Variants in CLN6 observed in about 807,000 individuals in gnomAD.
CLN6 encodes CLN6 transmembrane ER protein.
A neutral mutation model predicts 33.3 loss-of-function variants in CLN6; 22 were observed. That is an observed-to-expected ratio of 0.66 (90% CI 0.47 to 0.94). The LOEUF is 0.94. Ranked by LOEUF, CLN6 falls within the 40% of genes least tolerant of loss-of-function variation. CLN6 has a pLI of 0.00. For synonymous variants in CLN6, 201 were observed against 174.6 expected (o/e 1.15, Z -1.19); for missense variants, 387 against 417.1 (o/e 0.93, Z 0.63).
chr15:68,239,975 G>C (rs1244940240), intron 1 of CLN6, among the ~76,000 whole-genome samples: 1 of 152,142 alleles, frequency 6.6e-6, no homozygotes, highest in Non-Finnish European at 1.5e-5. Context: ...ACATCCACTA[G>C]GTTTTGGAAA....
chr15:68,218,418 T>A lies in CLN6; in HGVS notation c.198+118A>T, dbSNP rs543099789. The A allele has an allele frequency of 6.3e-6, 5 of 798,300 alleles. No homozygotes were observed. The African/African-American group carries it at 6.7e-5, about 11-fold the overall frequency. 49.5% of individuals were successfully genotyped at this position (798,300 alleles called of 1,614,324 possible). ...AGGATATGAAGGCATCCAGGCCTAT[T>A]CTCTCAGTTTACTAGGAGATAAAGG... On this transcript the variant is annotated intron_variant, in intron 2 of 6. Transcript: ENST00000249806.
In CLN6 at chr15:68,236,651, A is replaced by G. The variant is rs1308794926; in HGVS notation, c.180-18001T>C. Among the ~76,000 whole-genome samples the G allele has an allele frequency of 6.6e-6, 1 of 152,258 alleles. No homozygotes were observed. The highest frequency in any genetic ancestry group is 1.5e-5 in the Non-Finnish European group (1 of 68,050). The stretch of plus-strand genomic sequence containing the variant: ...TTTGGGTTGGTATAAATGTTCTGGC[A>G]TTAAGTAGTGGTAATGACTTCACAA... On this transcript the variant is annotated intron_variant, in intron 1 of 6. Transcript: ENST00000538696. This position sits in a 1 kb window ranked among gnomAD's most constrained non-coding sequence, Gnocchi z 4.5.
chr15:68,211,936 T>C lies in CLN6; in HGVS notation c.298-73A>G. 2 of 1,467,998 alleles carry C rather than the reference T, an allele frequency of 1.4e-6. No homozygotes were observed. Among genetic ancestry groups the C allele is most frequent in the Non-Finnish European group, 1.9e-6 (2 of 1,059,726 alleles). The allele number at this position is 1,467,998 out of a possible 1,614,324, so 90.9% of individuals were successfully genotyped here. ...TATGTGACACCCTCTGCTTCCCCCCTCACACCTGGGGTGGGATGGACGCTT... is the reference window on the plus strand; with the variant it reads ...TATGTGACACCCTCTGCTTCCCCCCCCACACCTGGGGTGGGATGGACGCTT... On this transcript the variant is annotated intron_variant, in intron 3 of 6. Transcript: ENST00000249806. The surrounding 1 kb of genome is among the most constrained non-coding windows in gnomAD (Gnocchi z 5.9).
At position 68,214,323 on chromosome 15, in the gene CLN6, G is replaced by A; in HGVS notation, c.264C>T (p.Ala88=). 6.2e-7 allele frequency: 1 copy of A among 1,614,038 alleles called. No individual in the cohort carries two copies. Among genetic ancestry groups the A allele is most frequent in the Non-Finnish European group, 8.5e-7 (1 of 1,179,888 alleles). The change falls in exon 3 of 7, where the codon GCC becomes GCT. Residue 88 remains alanine, a synonymous_variant. Transcript: ENST00000249806. The part of the protein sequence containing the change: ...KPSVGDYFHM[A]YNVITPFLLL... ...AGAGAAAGGGCGTGATGACGTTGTAGGCCATGTGGAAGTAGTCCCCAACAC... is the reference window on the plus strand; with the variant it reads ...AGAGAAAGGGCGTGATGACGTTGTAAGCCATGTGGAAGTAGTCCCCAACAC...
rs1008565735 is a variant in CLN6, at chr15:68,229,570, C to T, written c.15G>A (p.Arg5=). The T allele has an allele frequency of 1.1e-5, 16 of 1,467,454 alleles. No individual in the cohort carries two copies. The highest frequency in any genetic ancestry group is 1.3e-5 in the Non-Finnish European group (15 of 1,114,330). 90.9% of individuals were successfully genotyped at this position (1,467,454 alleles called of 1,614,324 possible). A position where few individuals can be genotyped will look rare whatever the true frequency, so the allele number is the denominator to read the frequency against. ...CCGTCGCTCCCAGGTGCTGCCGCCT[C>T]CGCGTCGCCTCCATGGCTGCCCCGC... MEAT[R]RRQHLGATGG... The change falls in exon 1 of 7, where the codon CGG becomes CGA. Residue 5 remains arginine (R), a synonymous_variant. Transcript: ENST00000249806.
At chr15:68,243,940 C>A (rs1337378962) in intron 1 of CLN6, among the ~76,000 whole-genome samples, 1 of 151,782 alleles carries the variant, frequency 6.6e-6, no homozygotes, top group Admixed American at 6.6e-5. Context: ...TGGCGGGCGC[C>A]TATAGTCCCA....
chr15:68,248,652 CAAA>C (rs34923729), intron 1 of CLN6, among the ~76,000 whole-genome samples: 8 of 103,790 alleles, frequency 7.7e-5, no homozygotes, highest in Admixed American at 3.0e-4. Context: ...GACTCCGTCT[CAAA>C]AAAAAAAAAA....
Position 68,256,997 on chromosome 15 carries a change from T to C in CLN6, c.-129A>G. 1.8e-6 allele frequency: 1 copy of C among 559,406 alleles called. No homozygotes were observed. Among genetic ancestry groups the C allele is most frequent in the South Asian group, 2.3e-5 (1 of 43,176 alleles). The allele number at this position is 559,406 out of a possible 1,614,324, so 34.7% of individuals were successfully genotyped here. On this transcript the variant is annotated 5_prime_UTR_variant, in exon 1 of 7. Transcript: ENST00000538696. This position sits in a 1 kb window ranked among gnomAD's most constrained non-coding sequence, Gnocchi z 4.1. ...TGGGCTTCTCCGGCACACCTGTATCTAGGGACTGAGCGCGACTGACGCAGA... is the reference window on the plus strand; with the variant it reads ...TGGGCTTCTCCGGCACACCTGTATCCAGGGACTGAGCGCGACTGACGCAGA...
intron 1 of CLN6, among the ~76,000 whole-genome samples, chr15:68,243,754 CAA>C (rs56110025): frequency 1.4e-4 from 12 of 86,864 alleles, no homozygotes; most frequent in Admixed American, 1.4e-4. Context: ...GACTCTATCT[CAA>C]AAAAAAAAAA....
chr15:68,257,185 G>C (rs11071999), upstream of CLN6: 2 of 254,190 alleles, frequency 7.9e-6, no homozygotes, highest in Non-Finnish European at 1.5e-5. Flanking sequence ...GCCCGGCGTC[G>C]CTGAGGGCTT....
upstream of CLN6, chr15:68,229,774 C>CGGAGGGAGGCGGGGCGGAGT: frequency 2.7e-6 from 1 of 366,496 alleles, no homozygotes; most frequent in Non-Finnish European, 4.7e-6. Context: ...CGGAGCGGAG[C>CGGAGGGAGGCGGGGCGGAGT]GGAGGGAGGC....
chr15:68,229,849 CGCGGG>C, upstream of CLN6: 1 of 265,452 alleles, frequency 3.8e-6, no homozygotes, highest in Non-Finnish European at 6.8e-6. Flanking sequence ...GTGGCGTCCT[CGCGGG>C]GCGGGGGCTG....
chr15:68,253,511 T>C (rs1205519422), intron 1 of CLN6, among the ~76,000 whole-genome samples: 1 of 152,248 alleles, frequency 6.6e-6, no homozygotes. Context: ...ACTTGCACTT[T>C]TATGTCTAAC....
Position 68,229,686 on chromosome 15 carries a change from T to C in CLN6, c.-102A>G, listed in dbSNP as rs2093263409. 1.0e-6 allele frequency: 1 copy of C among 970,880 alleles called. No homozygotes were observed. The highest frequency in any genetic ancestry group is 1.4e-6 in the Non-Finnish European group (1 of 731,782). 60.1% of individuals were successfully genotyped at this position (970,880 alleles called of 1,614,324 possible). The stretch of plus-strand genomic sequence containing the variant: ...CCGCAAATTCCCAGCGCGGGGCGGT[T>C]CGGGGCGGGCCGGCGAGAGCGCGCG... On this transcript the variant is annotated 5_prime_UTR_variant, in exon 1 of 7. Coordinates refer to ENST00000249806, the MANE Select transcript of CLN6 (RefSeq NM_017882.3).
chr15:68,231,038 G>A (rs2093267722), upstream of CLN6, among the ~76,000 whole-genome samples: 1 of 152,220 alleles, frequency 6.6e-6, no homozygotes, highest in Non-Finnish European at 1.5e-5. Flanking sequence ...AGTATCCTTG[G>A]TCTGCTTCCC....
At chr15:68,233,711 C>T (rs61545800), upstream of CLN6, among the ~76,000 whole-genome samples, 1 of 152,126 alleles carries the variant, frequency 6.6e-6, no homozygotes, top group African/African-American at 2.4e-5. The surrounding 1 kb of genome is among the most constrained non-coding windows in gnomAD (Gnocchi z 4.3). Context: ...GGCAGACAGA[C>T]GAAGTGGGAC....
intron 1 of CLN6, among the ~76,000 whole-genome samples, chr15:68,226,118 G>A (rs531237861): frequency 1.1e-4 from 16 of 152,068 alleles, no homozygotes; most frequent in African/African-American, 3.9e-4. Context: ...AGAAGTTTGA[G>A]ACCAGCCTGG....
chr15:68,237,456 C>G (rs1892232322), intron 1 of CLN6, among the ~76,000 whole-genome samples: 2 of 152,108 alleles, frequency 1.3e-5, no homozygotes, highest in Non-Finnish European at 1.5e-5. Context: ...CCACCAAACC[C>G]CAGCTTGGGC....
chr15:68,216,305 T>C (rs1012521), intron 2 of CLN6, among the ~76,000 whole-genome samples: 1 of 151,922 alleles, frequency 6.6e-6, no homozygotes, highest in Non-Finnish European at 1.5e-5. Flanking sequence ...GAGCAGCCAG[T>C]CCAGCCAGTC....
Sources: gnomAD v4.1 joint callset for allele counts (sites outside exome capture counted in the v4.1 genomes callset) on GRCh38, gnomAD v4.1.1 for gene constraint, Gnocchi (gnomAD v3.1) non-coding constraint, MANE v1.5 for transcripts, NCBI Gene and HGNC (gene_info 2026-07-23, HGNC 2026-07-21) for gene names.